ADAMTS13: variants seen among roughly 807,000 people sequenced by gnomAD.
ADAMTS13 encodes the protein A disintegrin and metalloproteinase with thrombospondin motifs 13.
In ADAMTS13, 110 loss-of-function variants were observed where a neutral mutation model predicts 155.1. The observed-to-expected ratio is 0.71, with a 90% confidence interval of 0.61 to 0.83. ADAMTS13 has a LOEUF of 0.83. ADAMTS13 is among the 40% of genes least tolerant of loss of function. ADAMTS13 has a pLI of 0.00. For missense variants in ADAMTS13, 1,707 were observed against 1,891.7 expected, an observed-to-expected ratio of 0.90 and a Z score of 1.81; for synonymous variants, 758 against 756.4, an observed-to-expected ratio of 1.00 and a Z score of -0.03.
chr9:133,439,316 G>A (rs781928667), intron 14 of ADAMTS13, 50 bp from the exon 15 acceptor site: 1 of 1,364,412 alleles, frequency 7.3e-7, no homozygotes, highest in Non-Finnish European at 1.0e-6. Context: ...TTTGTCTGTG[G>A]TGTGGTGGCT....
At position 133,428,766 on chromosome 9, in the gene ADAMTS13, G is replaced by T; in HGVS notation, c.819G>T (p.Leu273=). Residue 273 remains leucine (L), a synonymous_variant, in exon 7 of 29, where the codon CTG becomes CTT. Transcript: ENST00000355699. ...SPCSRRQLLS[L]LSAGRARCVW... ...GCAGCCGCCGGCAGCTGCTGAGCCT[G>T]CTCAGGTAGCGGCCGCCCCGTGGGA... 1 of 1,341,958 alleles carries T rather than the reference G, an allele frequency of 7.5e-7. No individual in the cohort carries two copies. Among genetic ancestry groups the T allele is most frequent in the Non-Finnish European group, 9.6e-7 (1 of 1,044,320 alleles). 83.1% of individuals were successfully genotyped at this position (1,341,958 alleles called of 1,614,324 possible). A position where few individuals can be genotyped will look rare whatever the true frequency, so the allele number is the denominator to read the frequency against.
chr9:133,424,597 G>T lies in ADAMTS13; in HGVS notation c.330+119G>T. ...GGTTAAACTCAGGTAGAATGGCTCG[G>T]GGTTCTTCCTCTTCTCCCTCCCTCC... is the stretch of plus-strand genomic sequence containing the variant. On this transcript the variant is annotated intron_variant, in intron 3 of 28. Transcript: ENST00000355699. The surrounding 1 kb of genome is among the most constrained non-coding windows in gnomAD (Gnocchi z 4.3). 1 of 1,452,852 alleles carries T rather than the reference G, an allele frequency of 6.9e-7. No homozygotes were observed. Among genetic ancestry groups the T allele is most frequent in the Non-Finnish European group, 9.4e-7 (1 of 1,067,576 alleles). 90.0% of individuals were successfully genotyped at this position (1,452,852 alleles called of 1,614,324 possible). A position where few individuals can be genotyped will look rare whatever the true frequency, so the allele number is the denominator to read the frequency against.
At chr9:133,428,880 T>C in intron 7 of ADAMTS13, 109 bp downstream of exon 7, 1 of 1,093,606 alleles carries the variant, frequency 9.1e-7, no homozygotes, top group Non-Finnish European at 1.1e-6. Context: ...CCCTCCTTCC[T>C]GTCCCACCCC....
chr9:133,457,945 A>C lies in ADAMTS13; in HGVS notation c.3760A>C (p.Ile1254Leu). ...DMQLFGPWGE[I>L]VSPSLSPATS... is the part of the protein sequence containing the mutation. Reference sequence around the variant, plus strand: ...GCAGCTCTTTGGGCCCTGGGGTGAAATCGTGAGCCCCTCGCTGAGTCCAGC... The same window carrying C: ...GCAGCTCTTTGGGCCCTGGGGTGAACTCGTGAGCCCCTCGCTGAGTCCAGC... The change falls in exon 28 of 29, where the codon ATC (isoleucine) becomes CTC (leucine). Residue 1254 changes from isoleucine (I) to leucine (L), a missense_variant. Coordinates refer to ENST00000355699, the MANE Select transcript of ADAMTS13 (RefSeq NM_139027.6). 1 of 1,613,752 alleles carries C rather than the reference A, an allele frequency of 6.2e-7. No homozygotes were observed. Among genetic ancestry groups the C allele is most frequent in the South Asian group, 1.1e-5 (1 of 91,086 alleles).
rs117801430 is a variant in ADAMTS13, at chr9:133,454,961, C to T, written c.3250-324C>T. ...GTTCAGGCTGCCCCCTGGAGGGGCT[C>T]GCTCATGGTGTGGAGGGGGCATAGG... On this transcript the variant is annotated intron_variant, in intron 24 of 28. Coordinates refer to ENST00000355699, the MANE Select transcript of ADAMTS13 (RefSeq NM_139027.6). Among the ~76,000 whole-genome samples the T allele has an allele frequency of 3.9e-4, 60 of 152,182 alleles. 1 individual carries two copies. The East Asian group carries it at 0.011, about 28-fold the overall frequency.
At chr9:133,437,022 C>T in intron 12 of ADAMTS13, 67 bp downstream of exon 12, 1 of 1,538,838 alleles carries the variant, frequency 6.5e-7, no homozygotes, top group South Asian at 1.2e-5. Flanking sequence ...AGGGCAGAGT[C>T]ATAGGGGGGT....
At chr9:133,450,045 C>T (rs1023237722) in intron 23 of ADAMTS13, 80 bp downstream of exon 23, 3 of 1,491,492 alleles carry the variant, frequency 2.0e-6, no homozygotes, top group Admixed American at 4.0e-5. Context: ...TGCCTGTAAT[C>T]GCAGCTACTT....
Position 133,445,162 on chromosome 9 carries a change from C to A in ADAMTS13, c.2610+110C>A. 1 of 1,278,128 alleles carries A rather than the reference C, an allele frequency of 7.8e-7. No homozygotes were observed. 79.2% of individuals were successfully genotyped at this position (1,278,128 alleles called of 1,614,324 possible). ...CTCCAGGCCAGAGCAAGAACACCAT[C>A]CTTCTGTGGGAATGCTGTCTGAGGG... On this transcript the variant is annotated intron_variant, in intron 20 of 28. Transcript: ENST00000355699. The surrounding 1 kb of genome is among the most constrained non-coding windows in gnomAD (Gnocchi z 5.0).
At chr9:133,455,169 A>G in intron 24 of ADAMTS13, 116 bp from the exon 25 acceptor site, 1 of 1,190,266 alleles carries the variant, frequency 8.4e-7, no homozygotes, top group Non-Finnish European at 1.2e-6. Flanking sequence ...GGAGACACTT[A>G]ACTGCCTCCC....
rs1840116818 is a variant in ADAMTS13, at chr9:133,424,051, G to T, written c.173-270G>T. ...GAGCAGGGTCCAGGAGGCAGGGCAG[G>T]GGCTTTCCCCTTTGGGCAGAGCCAC... is the stretch of plus-strand genomic sequence containing the variant. On this transcript the variant is annotated intron_variant, in intron 2 of 28. Transcript: ENST00000355699. The surrounding 1 kb of genome is among the most constrained non-coding windows in gnomAD (Gnocchi z 4.3). Among the ~76,000 whole-genome samples, 1 of 152,242 alleles carries T rather than the reference G, an allele frequency of 6.6e-6. No individual in the cohort carries two copies. The highest frequency in any genetic ancestry group is 2.4e-5 in the African/African-American group (1 of 41,466).
chr9:133,440,270 G>C lies in ADAMTS13; in HGVS notation c.1787-74G>C, dbSNP rs947036583. On this transcript the variant is annotated intron_variant, in intron 15 of 28. Transcript: ENST00000355699. The surrounding 1 kb of genome is among the most constrained non-coding windows in gnomAD (Gnocchi z 4.3). ...GGAGGGCTGGGGACCCCGGGAAGGAGAGTCACTGACATGTGCCTGTGAGGA... is the reference window on the plus strand; with the variant it reads ...GGAGGGCTGGGGACCCCGGGAAGGACAGTCACTGACATGTGCCTGTGAGGA... 3.8e-6 allele frequency: 6 copies of C among 1,588,540 alleles called. No homozygotes were observed. In the African/African-American group the frequency reaches 4.0e-5, roughly 11 times the overall value.
At position 133,425,359 on chromosome 9, in the gene ADAMTS13, G is replaced by A. The variant is rs1279622268; in HGVS notation, c.331-170G>A. On this transcript the variant is annotated intron_variant, in intron 3 of 28. Coordinates refer to ENST00000355699, the MANE Select transcript of ADAMTS13 (RefSeq NM_139027.6). This position sits in a 1 kb window ranked among gnomAD's most constrained non-coding sequence, Gnocchi z 4.6. ...TGAGCTGAGGAGCAACAGAGGCACG[G>A]CTGACTGTGCAGCACATTTTAGGAG... Among the ~76,000 whole-genome samples the A allele has an allele frequency of 6.6e-6, 1 of 152,196 alleles. No individual in the cohort carries two copies. The highest frequency in any genetic ancestry group is 1.5e-5 in the Non-Finnish European group (1 of 68,036).
upstream of ADAMTS13, among the ~76,000 whole-genome samples, chr9:133,421,799 G>A (rs1371911357): frequency 1.3e-5 from 2 of 152,192 alleles, no homozygotes; most frequent in South Asian, 2.1e-4. Flanking sequence ...GGAAAGACAA[G>A]GTGAATCCCC....
Position 133,437,902 on chromosome 9 carries a change from G to C in ADAMTS13, c.1584+5G>C. On this transcript the variant is annotated splice_donor_5th_base_variant and intron_variant, in intron 13 of 28. Transcript: ENST00000355699. ...TGTGTGTCGGGCAGCTGCAGGGTAG[G>C]CGTGTGTGGACATTGGCGATGGCCC... The C allele has an allele frequency of 6.2e-7, 1 of 1,613,390 alleles. No homozygotes were observed. Among genetic ancestry groups the C allele is most frequent in the Non-Finnish European group, 8.5e-7 (1 of 1,179,928 alleles).
At chr9:133,436,778 A>ACCCCCCC in intron 11 of ADAMTS13, 51 bp from the exon 12 acceptor site, 29 of 433,922 alleles carry the variant, frequency 6.7e-5, no homozygotes, top group South Asian at 9.8e-5. Flanking sequence ...CAGTGACAAC[A>ACCCCCCC]CCCGCCCCCC....
chr9:133,430,883 A>C (rs192880655), intron 8 of ADAMTS13, among the ~76,000 whole-genome samples: 19 of 151,906 alleles, frequency 1.3e-4, no homozygotes, highest in Middle Eastern at 3.4e-3. Context: ...GATGGTCTCG[A>C]TCTCCTGACC....
upstream of ADAMTS13, chr9:133,417,561 C>T (rs1839731527): frequency 2.6e-6 from 4 of 1,555,870 alleles, no homozygotes; most frequent in East Asian, 4.5e-5. Context: ...TCTTTCCCTC[C>T]GTCGCGTTCT....
chr9:133,449,835 C>T lies in ADAMTS13; in HGVS notation c.2914C>T (p.Arg972Trp), dbSNP rs782315945. 1.1e-5 allele frequency: 18 copies of T among 1,613,892 alleles called. No individual in the cohort carries two copies. Among genetic ancestry groups the T allele is most frequent in the African/African-American group, 2.7e-5 (2 of 74,916 alleles). The change falls in exon 23 of 29, where the codon CGG becomes TGG. Residue 972 changes from arginine (R) to tryptophan (W), a missense_variant. Physicochemically the swap from Arg to Trp is moderately radical, Grantham distance 101. This residue lies in a region of ADAMTS13 where 961 missense variants were observed against 1,107.9 expected (regional missense o/e 0.87). Coordinates refer to ENST00000355699, the MANE Select transcript of ADAMTS13 (RefSeq NM_139027.6). ...CSVSCGRGVV[R>W]RILYCARAHG... Reference sequence around the variant, plus strand: ...CGTGAGCTGTGGGAGAGGGGTCGTGCGGAGGATCCTGTATTGTGCCCGGGC... The same window carrying T: ...CGTGAGCTGTGGGAGAGGGGTCGTGTGGAGGATCCTGTATTGTGCCCGGGC...
intron 8 of ADAMTS13, 28 bp from the exon 9 acceptor site, chr9:133,432,560 C>T (rs1554787747): frequency 6.5e-7 from 1 of 1,542,512 alleles, no homozygotes; most frequent in Non-Finnish European, 8.8e-7. Context: ...GGCCCCTGAG[C>T]TCGCCACCCA....
Sources: gnomAD v4.1 joint callset for allele counts (sites outside exome capture counted in the v4.1 genomes callset) on GRCh38, gnomAD v4.1.1 for gene constraint, gnomAD v4.1.1 regional missense constraint, Gnocchi (gnomAD v3.1) non-coding constraint, MANE v1.5 for transcripts, NCBI Gene and HGNC (gene_info 2026-07-23, HGNC 2026-07-21) for gene names.